Variants in CCDC30 observed in about 807,000 individuals in gnomAD.
CCDC30 encodes coiled-coil domain-containing protein 30.
In CCDC30, 70 loss-of-function variants were observed where a neutral mutation model predicts 100.2. That is an observed-to-expected ratio of 0.70 (90% confidence interval 0.58 to 0.85). The LOEUF is 0.85. Ranked by LOEUF, CCDC30 falls within the 40% of genes least tolerant of loss-of-function variation. The pLI, the probability that CCDC30 is intolerant of heterozygous loss-of-function variation, is 0.00. For synonymous variants in CCDC30, 233 were observed against 269.5 expected (o/e 0.86, Z 1.33); for missense variants, 652 against 771.2 (o/e 0.85, Z 1.83).
At chr1:42,569,395 A>G (rs540561043) in intron 7 of CCDC30, among the ~76,000 whole-genome samples, 2 of 152,370 alleles carry the variant, frequency 1.3e-5, no homozygotes, top group South Asian at 4.1e-4. Context: ...ATCGCTGGTC[A>G]TTAGAGAAAT....
chr1:42,518,899 G>A lies in CCDC30; in HGVS notation c.456+19983G>A, dbSNP rs1438048938. On this transcript the variant is annotated intron_variant, in intron 6 of 16. Transcript: ENST00000668663. ...AAGCTTTCAGTCTTTCCACCATTGA[G>A]TATAATGTTCACTGTGGATTTTTCA... Among the ~76,000 whole-genome samples, 4 of 152,190 alleles carry A rather than the reference G, an allele frequency of 2.6e-5. No individual in the cohort carries two copies. In the East Asian group the frequency reaches 5.8e-4, roughly 22 times the overall value.
chr1:42,456,689 T>C, the CCDC30 span: 1 of 1,606,686 alleles, frequency 6.2e-7, no homozygotes, highest in South Asian at 1.1e-5. Flanking sequence ...GTTGGTTACG[T>C]CAGGCGGCAC....
intron 6 of CCDC30, among the ~76,000 whole-genome samples, chr1:42,525,869 A>G (rs1019706773): frequency 1.3e-5 from 2 of 152,048 alleles, no homozygotes; most frequent in Non-Finnish European, 2.9e-5. Flanking sequence ...GAACTCAAAC[A>G]TCTCCCAACC....
intron 8 of CCDC30, 150 bp from the exon 13 acceptor site, chr1:42,581,210 A>G (rs547824524): frequency 3.2e-6 from 2 of 623,984 alleles, no homozygotes; most frequent in Admixed American, 3.0e-5. Flanking sequence ...TAAACAATTT[A>G]TTTTAAAATT....
chr1:42,605,666 A>G (rs1021536548), intron 10 of CCDC30, among the ~76,000 whole-genome samples: 10 of 152,080 alleles, frequency 6.6e-5, no homozygotes, highest in Middle Eastern at 6.8e-3. Context: ...TTATTATTGC[A>G]TGTAGAGACA....
intron 6 of CCDC30, among the ~76,000 whole-genome samples, chr1:42,504,086 G>A (rs988321598): frequency 2.6e-5 from 4 of 152,224 alleles, no homozygotes; most frequent in Admixed American, 6.5e-5. Context: ...TATGGGAAAC[G>A]AAGGGATGGG....
upstream of CCDC30, chr1:42,459,840 G>A (rs1320998873): frequency 1.2e-6 from 2 of 1,614,134 alleles, no homozygotes; most frequent in Non-Finnish European, 1.7e-6. Context: ...ATCAGAGGAA[G>A]AAATAGAAAA....
chr1:42,504,277 G>T (rs543873207), intron 6 of CCDC30, among the ~76,000 whole-genome samples: 1 of 152,234 alleles, frequency 6.6e-6, no homozygotes, highest in South Asian at 2.1e-4. Context: ...ACCTTCCAGC[G>T]TGGGCATTAT....
intron 11 of CCDC30, among the ~76,000 whole-genome samples, chr1:42,623,486 G>A (rs1646878107): frequency 1.3e-5 from 2 of 152,154 alleles, no homozygotes; most frequent in Non-Finnish European, 2.9e-5. Context: ...ATTTATTGAA[G>A]AGACTATCTT....
intron 10 of CCDC30, among the ~76,000 whole-genome samples, chr1:42,609,815 G>T (rs1646582225): frequency 6.6e-6 from 1 of 152,224 alleles, no homozygotes; most frequent in Non-Finnish European, 1.5e-5. Context: ...TGGAGGGAGT[G>T]CTTGTGATGG....
the CCDC30 span, chr1:42,456,873 C>G: frequency 5.1e-5 from 83 of 1,613,376 alleles, no homozygotes; most frequent in East Asian, 4.7e-4. Flanking sequence ...ACTTGGCTGT[C>G]CGCTCTGCGG....
intron 6 of CCDC30, among the ~76,000 whole-genome samples, chr1:42,516,571 C>CA (rs61638436): frequency 0.46 from 47,206 of 101,914 alleles, 10,670 homozygotes; most frequent in South Asian, 0.6. Flanking sequence ...GACTCCATCT[C>CA]AAAAAAAAAA....
intron 4 of CCDC30, among the ~76,000 whole-genome samples, chr1:42,496,499 A>G (rs2148473905): frequency 6.6e-6 from 1 of 152,106 alleles, no homozygotes; most frequent in East Asian, 1.9e-4. Flanking sequence ...AATATTTACT[A>G]TGTGTTAAAA....
At chr1:42,512,208 C>T (rs4622103) in intron 6 of CCDC30, among the ~76,000 whole-genome samples, 19,689 of 152,186 alleles carry the variant, frequency 0.13, 1,470 homozygotes, top group East Asian at 0.19. Flanking sequence ...GTTCCTTGCC[C>T]TCATTCTGGT....
chr1:42,524,743 C>A (rs1417469592), intron 6 of CCDC30, among the ~76,000 whole-genome samples: 1 of 152,184 alleles, frequency 6.6e-6, no homozygotes, highest in Non-Finnish European at 1.5e-5. Context: ...AGAGCTTAAA[C>A]TGATAGAAAT....
chr1:42,582,002 A>T (rs1218608773), intron 9 of CCDC30, among the ~76,000 whole-genome samples: 1 of 150,902 alleles, frequency 6.6e-6, no homozygotes, highest in African/African-American at 2.4e-5. Flanking sequence ...TAGGAGGATC[A>T]CTTGAGCCTA....
At chr1:42,456,515 C>A in the CCDC30 span, 1 of 1,431,804 alleles carries the variant, frequency 7.0e-7, no homozygotes, top group Non-Finnish European at 9.1e-7. Flanking sequence ...CGAGAAGGGG[C>A]GTGGCGCGGC....
intron 11 of CCDC30, among the ~76,000 whole-genome samples, chr1:42,613,633 A>G (rs1646669576): frequency 6.6e-6 from 1 of 152,078 alleles, no homozygotes; most frequent in African/African-American, 2.4e-5. Context: ...ATATAGGGTA[A>G]TTTCCAGATG....
At chr1:42,465,689 A>G (rs1313255516) in intron 1 of CCDC30, among the ~76,000 whole-genome samples, 1 of 152,092 alleles carries the variant, frequency 6.6e-6, no homozygotes, top group African/African-American at 2.4e-5. Context: ...AAACCTGGGG[A>G]GTGGGGTGGG....
Sources: gnomAD v4.1 joint callset for allele counts (sites outside exome capture counted in the v4.1 genomes callset) on GRCh38, gnomAD v4.1.1 for gene constraint, MANE v1.5 for transcripts, NCBI Gene and HGNC (gene_info 2026-07-23, HGNC 2026-07-21) for gene names.